The following UBR1 variants were observed in gnomAD, a reference collection of about 807,000 sequenced individuals.
The protein encoded by UBR1 is ubiquitin protein ligase E3 component n-recognin 1.
Under a neutral mutation model 242.1 loss-of-function variants are expected in UBR1, and 102 were observed. The ratio of observed to expected loss-of-function variants is 0.42; its 90% CI spans 0.36 to 0.50. The LOEUF is 0.50. Among genes scored for constraint, UBR1 ranks in the 20% least tolerant of loss-of-function variants. The pLI is 0.01. For synonymous variants in UBR1, 675 were observed against 684.8 expected (o/e 0.99, Z 0.22); for missense variants, 1,772 against 2,101.8 (o/e 0.84, Z 3.07).
intron 35 of UBR1, among the ~76,000 whole-genome samples, chr15:42,985,554 T>C (rs1289040296): frequency 6.6e-6 from 1 of 152,154 alleles, no homozygotes; most frequent in Non-Finnish European, 1.5e-5. Flanking sequence ...GGTTTCAGCA[T>C]GTTAGCCAGG....
rs58941543 is a variant in UBR1, at chr15:43,017,271, A to G, written c.2941-90T>C. On this transcript the variant is annotated intron_variant, in intron 27 of 46. Transcript: ENST00000290650. ...CATTCACTAATCTGATTTTGGCATCATATCTCCAAATGTCTTTCACTTAAA... is the reference window on the plus strand; with the variant it reads ...CATTCACTAATCTGATTTTGGCATCGTATCTCCAAATGTCTTTCACTTAAA... The G allele has an allele frequency of 8.3e-4, 720 of 866,008 alleles. 4 individuals are homozygous for G. The African/African-American group carries it at 0.011, about 14-fold the overall frequency. The allele number at this position is 866,008 out of a possible 1,614,324, so 53.6% of individuals were successfully genotyped here.
intron 15 of UBR1, among the ~76,000 whole-genome samples, chr15:43,041,661 G>C (rs954407298): frequency 1.3e-5 from 2 of 152,028 alleles, no homozygotes; most frequent in African/African-American, 4.8e-5. Flanking sequence ...CAAAAGCACA[G>C]GCAACAAAAG....
At chr15:43,021,134 A>G in intron 27 of UBR1, 141 bp downstream of exon 27, 1 of 635,572 alleles carries the variant, frequency 1.6e-6, no homozygotes, top group Non-Finnish European at 2.7e-6. Context: ...ATAGGAAAAT[A>G]GAATTATTAA....
At chr15:42,956,466 C>A (rs552525489) in intron 44 of UBR1, among the ~76,000 whole-genome samples, 1 of 152,122 alleles carries the variant, frequency 6.6e-6, no homozygotes, top group Non-Finnish European at 1.5e-5. Context: ...ATTACAGGTG[C>A]GCACCACCAC....
Position 43,061,819 on chromosome 15 carries a change from TG to T in UBR1, c.799-1706del, listed in dbSNP as rs548581999. On this transcript the variant is annotated intron_variant, in intron 6 of 46. Coordinates refer to ENST00000290650, the MANE Select transcript of UBR1 (RefSeq NM_174916.3). ...TTGGGTACTTTGAGGGAAGGGTGGG[TG>T]GGGGAAGAGGGATAAAAGACTACAA... Among the ~76,000 whole-genome samples, 688 of 70,846 alleles carry T rather than the reference TG, an allele frequency of 9.7e-3. 2 individuals are homozygous for T. Among genetic ancestry groups the T allele is most frequent in the African/African-American group, 0.036 (653 of 18,386 alleles). 46.5% of individuals were successfully genotyped at this position (70,846 alleles called of 152,430 possible). A position where few individuals can be genotyped will look rare whatever the true frequency, so the allele number is the denominator to read the frequency against.
chr15:43,005,076 T>G (rs1310559805), intron 30 of UBR1, among the ~76,000 whole-genome samples: 1 of 151,220 alleles, frequency 6.6e-6, no homozygotes, highest in African/African-American at 2.4e-5. Flanking sequence ...CGCCACCCCA[T>G]CTGGGATGTG....
At position 43,038,201 on chromosome 15, in the gene UBR1, A is replaced by G. The variant is rs2033362576; in HGVS notation, c.1881T>C (p.Ala627=). 4 of 1,614,174 alleles carry G rather than the reference A, an allele frequency of 2.5e-6. No individual in the cohort carries two copies. The highest frequency in any genetic ancestry group is 3.4e-6 in the Non-Finnish European group (4 of 1,180,016). The part of the protein sequence containing the change: ...GLHVRLSRLG[A]VSRLHEFVSF... ...ACACAAATTCATGCAGTCTTGAAACAGCACCCAGCCTGCTTAAACGTACAT... is the reference window on the plus strand; with the variant it reads ...ACACAAATTCATGCAGTCTTGAAACGGCACCCAGCCTGCTTAAACGTACAT... The change falls in exon 16 of 47, where the codon GCT becomes GCC. Residue 627 remains alanine (A), a synonymous_variant. Coordinates refer to ENST00000290650, the MANE Select transcript of UBR1 (RefSeq NM_174916.3).
intron 15 of UBR1, among the ~76,000 whole-genome samples, chr15:43,039,141 T>C (rs1020847318): frequency 1.3e-5 from 2 of 152,018 alleles, no homozygotes; most frequent in Non-Finnish European, 2.9e-5. Flanking sequence ...ATAGAAGCAA[T>C]ATAAAATCAC....
chr15:43,073,526 T>C (rs1220779709), intron 4 of UBR1, among the ~76,000 whole-genome samples: 1 of 152,216 alleles, frequency 6.6e-6, no homozygotes, highest in Non-Finnish European at 1.5e-5. Context: ...ATACAATTCT[T>C]ATTGAAAAGG....
chr15:42,980,482 CG>C (rs2032358596), intron 37 of UBR1, among the ~76,000 whole-genome samples: 1 of 152,110 alleles, frequency 6.6e-6, no homozygotes, highest in Admixed American at 6.6e-5. Flanking sequence ...TCTCGTAAAT[CG>C]GGAGAATAAT....
intron 15 of UBR1, among the ~76,000 whole-genome samples, chr15:43,040,265 G>A (rs2033399186): frequency 6.6e-6 from 1 of 152,030 alleles, no homozygotes; most frequent in East Asian, 1.9e-4. Flanking sequence ...TAGACCAATG[G>A]GACTGAACAG....
intron 12 of UBR1, among the ~76,000 whole-genome samples, 185 bp from the exon 13 acceptor site, chr15:43,048,676 T>G (rs2033515696): frequency 6.6e-6 from 1 of 152,178 alleles, no homozygotes; most frequent in Non-Finnish European, 1.5e-5. Context: ...CAGTAAAACA[T>G]GAATGCTCTA....
intron 4 of UBR1, among the ~76,000 whole-genome samples, chr15:43,072,096 C>T (rs576269586): frequency 7.9e-5 from 12 of 152,308 alleles, no homozygotes; most frequent in African/African-American, 2.9e-4. Flanking sequence ...AAGTGATCCA[C>T]CCACTTCAGC....
chr15:43,056,670 G>T (rs1218251447), intron 10 of UBR1, among the ~76,000 whole-genome samples: 1 of 152,038 alleles, frequency 6.6e-6, no homozygotes, highest in Admixed American at 6.5e-5. Context: ...GATAGAAGTG[G>T]AAACTATTAA....
chr15:43,033,398 C>T (rs1166880200), intron 19 of UBR1, among the ~76,000 whole-genome samples: 3 of 152,168 alleles, frequency 2.0e-5, no homozygotes, highest in Admixed American at 6.5e-5. Flanking sequence ...GTAATCCCAG[C>T]AATTTGGGAG....
chr15:43,067,323 A>G (rs1272661688), intron 6 of UBR1, among the ~76,000 whole-genome samples: 4 of 152,200 alleles, frequency 2.6e-5, no homozygotes, highest in Non-Finnish European at 1.5e-5. Flanking sequence ...TTCTAATTCT[A>G]TATTAAACCA....
chr15:43,059,677 C>T (rs1262338054), intron 8 of UBR1, 25 bp downstream of exon 8: 2 of 1,605,638 alleles, frequency 1.2e-6, no homozygotes, highest in African/African-American at 1.4e-5. Flanking sequence ...TTATCAGAAA[C>T]AAGAAAAACA....
chr15:43,058,956 G>A (rs1029066435), intron 9 of UBR1, 129 bp downstream of exon 9: 3 of 788,234 alleles, frequency 3.8e-6, no homozygotes, highest in Non-Finnish European at 4.3e-6. Context: ...ATATTCACAT[G>A]TAGTATCTTA....
chr15:42,990,963 CTT>C (rs778351226), intron 33 of UBR1, among the ~76,000 whole-genome samples: 2 of 144,070 alleles, frequency 1.4e-5, no homozygotes, highest in Non-Finnish European at 1.5e-5. Flanking sequence ...GATTTTTAAT[CTT>C]TTTTTTTTTT....
Sources: allele counts gnomAD v4.1 joint callset (sites outside exome capture counted in the v4.1 genomes callset), GRCh38; gene constraint gnomAD v4.1.1; transcripts MANE v1.5; gene names NCBI Gene and HGNC (gene_info 2026-07-23, HGNC 2026-07-21).